The following STXBP6 variants were observed in gnomAD, a reference collection of about 807,000 sequenced individuals.
The protein encoded by STXBP6 is syntaxin binding protein 6, also known as syntaxin-binding protein 6.
In STXBP6, 21 loss-of-function variants were observed where a neutral mutation model predicts 26.9. The observed-to-expected ratio is 0.78, with a 90% CI of 0.55 to 1.12. STXBP6 has a LOEUF of 1.12. Among genes scored for constraint, STXBP6 ranks in the 50% most tolerant of loss-of-function variants. The probability of loss-of-function intolerance (pLI) is 0.00; values close to 1 mark genes in which losing one functional copy is unlikely to be tolerated. For synonymous variants in STXBP6, 97 were observed against 92.6 expected (o/e 1.05, Z -0.27); for missense variants, 232 against 257.9 (o/e 0.90, Z 0.69).
At chr14:24,980,593 T>G (rs1221548219) in intron 1 of STXBP6, among the ~76,000 whole-genome samples, 1 of 152,216 alleles carries the variant, frequency 6.6e-6, no homozygotes, top group Non-Finnish European at 1.5e-5. Flanking sequence ...TACAATCACT[T>G]CAAGTTCAAT....
chr14:24,883,753 T>C (rs911336659), intron 2 of STXBP6, among the ~76,000 whole-genome samples: 9 of 152,212 alleles, frequency 5.9e-5, no homozygotes, highest in African/African-American at 2.2e-4. Flanking sequence ...TTCTGAGATC[T>C]GGCTTACTCA....
At chr14:24,936,252 C>G (rs2072593251) in intron 2 of STXBP6, among the ~76,000 whole-genome samples, 1 of 152,050 alleles carries the variant, frequency 6.6e-6, no homozygotes. Context: ...TCCTGCTCCC[C>G]CTCCTCCTCA....
At chr14:24,904,816 G>A (rs2071332363) in intron 2 of STXBP6, among the ~76,000 whole-genome samples, 1 of 152,174 alleles carries the variant, frequency 6.6e-6, no homozygotes, top group Non-Finnish European at 1.5e-5. Flanking sequence ...TGTTGTTTAA[G>A]CCATCCAATC....
At chr14:24,944,528 C>T (rs1394628933) in intron 2 of STXBP6, among the ~76,000 whole-genome samples, 2 of 152,148 alleles carry the variant, frequency 1.3e-5, no homozygotes, top group South Asian at 4.1e-4. Context: ...CTGCCTCAAA[C>T]AGACATGGCA....
In STXBP6 at chr14:24,900,950, C is replaced by T. The variant is rs2071190356; in HGVS notation, c.155-43793G>A. Among the ~76,000 whole-genome samples, 3 of 152,130 alleles carry T rather than the reference C, an allele frequency of 2.0e-5. No homozygotes were observed. The South Asian group carries it at 6.2e-4, about 31-fold the overall frequency. On this transcript the variant is annotated intron_variant, in intron 2 of 5. Transcript: ENST00000323944. ...AAGACAGTAAAAACTGGGATGTATG[C>T]ATAATTGGAAGGAGGAGCAATTCTG...
chr14:24,838,872 C>T (rs754748661), intron 4 of STXBP6, among the ~76,000 whole-genome samples: 4 of 151,936 alleles, frequency 2.6e-5, no homozygotes, highest in Non-Finnish European at 4.4e-5. Context: ...TACTTCTTAT[C>T]GATTTGAAAA....
Position 25,049,231 on chromosome 14 carries a change from G to T in STXBP6, c.-33+647C>A. On this transcript the variant is annotated intron_variant, in intron 1 of 5. Coordinates refer to ENST00000323944, the MANE Select transcript of STXBP6 (RefSeq NM_001394410.1). The surrounding 1 kb of genome is among the most constrained non-coding windows in gnomAD (Gnocchi z 5.6). ...CCTACTCCAGCCACGTTGCCCGGCG[G>T]TGTTGGTGAGGCTCGATGCCGGCGT... 1.0e-6 allele frequency: 1 copy of T among 985,488 alleles called. No individual in the cohort carries two copies. The highest frequency in any genetic ancestry group is 1.2e-6 in the Non-Finnish European group (1 of 829,984). 61.0% of individuals were successfully genotyped at this position (985,488 alleles called of 1,614,324 possible).
At chr14:24,972,198 CAA>C (rs2073925013) in intron 2 of STXBP6, among the ~76,000 whole-genome samples, 1 of 152,024 alleles carries the variant, frequency 6.6e-6, no homozygotes, top group African/African-American at 2.4e-5. Context: ...GACTGAAGAA[CAA>C]AAGATTTTCC....
chr14:24,952,301 TAA>T (rs1010524341), intron 2 of STXBP6, among the ~76,000 whole-genome samples: 11 of 139,012 alleles, frequency 7.9e-5, no homozygotes, highest in Admixed American at 7.3e-5. Context: ...CTTTATCCCT[TAA>T]AAAAAAAAAA....
chr14:24,919,644 T>C (rs2071909643), intron 2 of STXBP6, among the ~76,000 whole-genome samples: 1 of 151,966 alleles, frequency 6.6e-6, no homozygotes, highest in African/African-American at 2.4e-5. Flanking sequence ...TATACAACAA[T>C]TTTAATAAAT....
At chr14:24,974,294 G>A (rs2073985003) in intron 2 of STXBP6, among the ~76,000 whole-genome samples, 1 of 152,196 alleles carries the variant, frequency 6.6e-6, no homozygotes, top group Admixed American at 6.5e-5. Context: ...GCCAATGAAA[G>A]TCAGGCTGTG....
chr14:24,818,168 G>A (rs2068035447), intron 5 of STXBP6: 1 of 455,938 alleles, frequency 2.2e-6, no homozygotes, highest in Non-Finnish European at 4.4e-6. Context: ...CAAGTCATCA[G>A]CAGATGTTGT....
chr14:25,006,330 T>C (rs1230847319), intron 1 of STXBP6, among the ~76,000 whole-genome samples: 1 of 152,186 alleles, frequency 6.6e-6, no homozygotes, highest in Admixed American at 6.5e-5. Flanking sequence ...GAGAAGCCAA[T>C]AGCTTCTGCC....
At position 24,889,092 on chromosome 14, in the gene STXBP6, G is replaced by T. The variant is rs181746767; in HGVS notation, c.155-31935C>A. ...CTTCCCCATTAAACAGCACAGCCAGGCCACCTTATCATGAAGTCCCAGGTA... is the reference window on the plus strand; with the variant it reads ...CTTCCCCATTAAACAGCACAGCCAGTCCACCTTATCATGAAGTCCCAGGTA... On this transcript the variant is annotated intron_variant, in intron 2 of 5. Transcript: ENST00000323944. 2.2e-3 allele frequency among the ~76,000 whole-genome samples: 337 copies of T among 151,826 alleles called. 1 individual carries two copies. The highest frequency in any genetic ancestry group is 7.5e-3 in the African/African-American group (312 of 41,382).
intron 1 of STXBP6, among the ~76,000 whole-genome samples, chr14:25,022,085 T>G: frequency 6.6e-6 from 1 of 152,216 alleles, no homozygotes; most frequent in Non-Finnish European, 1.5e-5. Flanking sequence ...ACTGTGTCAA[T>G]TAAAATTCTT....
At chr14:24,869,923 C>G (rs1487763832) in intron 2 of STXBP6, among the ~76,000 whole-genome samples, 1 of 152,064 alleles carries the variant, frequency 6.6e-6, no homozygotes, top group Admixed American at 6.6e-5. Flanking sequence ...CAGTGCTTAT[C>G]CAGCTTTTTG....
At chr14:24,913,619 C>G (rs1326758167) in intron 2 of STXBP6, among the ~76,000 whole-genome samples, 2 of 152,152 alleles carry the variant, frequency 1.3e-5, no homozygotes, top group Non-Finnish European at 2.9e-5. Context: ...AGAGGAAAAT[C>G]TGTAAGACAA....
chr14:24,930,518 C>T (rs2072345765), intron 2 of STXBP6, among the ~76,000 whole-genome samples: 1 of 152,134 alleles, frequency 6.6e-6, no homozygotes, highest in Admixed American at 6.5e-5. Context: ...AAATAAATCA[C>T]TTTATTATTC....
chr14:24,973,572 G>C (rs1207311803), intron 2 of STXBP6, among the ~76,000 whole-genome samples: 2 of 151,722 alleles, frequency 1.3e-5, no homozygotes, highest in African/African-American at 4.8e-5. Flanking sequence ...TTTTAATAGA[G>C]ACAGGGTTTC....
Sources: gnomAD v4.1 joint callset for allele counts (sites outside exome capture counted in the v4.1 genomes callset) on GRCh38, gnomAD v4.1.1 for gene constraint, Gnocchi (gnomAD v3.1) non-coding constraint, MANE v1.5 for transcripts, NCBI Gene and HGNC (gene_info 2026-07-23, HGNC 2026-07-21) for gene names.